Variants in KMT2A observed in about 807,000 individuals in gnomAD.
KMT2A encodes the protein lysine methyltransferase 2A, also known as histone-lysine N-methyltransferase 2A.
In KMT2A, 16 loss-of-function variants were observed where a neutral mutation model predicts 345.3. The observed-to-expected ratio is 0.05, with a 90% CI of 0.03 to 0.07. The LOEUF is 0.07. Among genes scored for constraint, KMT2A ranks in the 10% least tolerant of loss-of-function variants. KMT2A has a pLI of 1.00. For synonymous variants in KMT2A, 1,599 were observed against 1,778.6 expected (o/e 0.90, Z 2.54); for missense variants, 3,272 against 4,841.6 (o/e 0.68, Z 9.62).
At chr11:118,478,347 G>T in intron 5 of KMT2A, 146 bp downstream of exon 5, 1 of 637,754 alleles carries the variant, frequency 1.6e-6, no homozygotes, top group South Asian at 1.9e-5. Context: ...TTTGTGGTGT[G>T]GGCTGTGCTT....
At chr11:118,511,008 T>A (rs925591026) in intron 30 of KMT2A, among the ~76,000 whole-genome samples, 6 of 152,060 alleles carry the variant, frequency 3.9e-5, no homozygotes, top group Non-Finnish European at 7.4e-5. Flanking sequence ...CCATGTGAGG[T>A]AATAGTGAAA....
intron 6 of KMT2A, 66 bp downstream of exon 6, chr11:118,480,304 C>A (rs2134294371): frequency 8.3e-7 from 1 of 1,204,228 alleles, no homozygotes; most frequent in Non-Finnish European, 1.2e-6. Context: ...TTGTATACAC[C>A]CAGTAGAAGA....
Position 118,472,801 on chromosome 11 carries a change from A to G in KMT2A, c.1642A>G (p.Thr548Ala), listed in dbSNP as rs1057519412. 7 of 1,613,024 alleles carry G rather than the reference A, an allele frequency of 4.3e-6. No individual in the cohort carries two copies. Among genetic ancestry groups the G allele is most frequent in the Non-Finnish European group, 5.9e-6 (7 of 1,179,814 alleles). ...ATCTAGAACGACGAAAAAATTATCA[A>G]CTCTACAAAGTGCCCCCCAGCAGCA... ...FGSRTTKKLS[T>A]LQSAPQQQTS... The change falls in exon 3 of 36, where the codon ACT (threonine) becomes GCT (alanine). Residue 548 changes from threonine (T) to alanine (A), a missense_variant. Physicochemically the swap from Thr to Ala is moderately conservative, Grantham distance 58. Around this residue, in one of 27 missense-constraint regions of KMT2A, gnomAD observed 180 missense variants for 190.7 expected, o/e 0.94. Coordinates refer to ENST00000534358, the MANE Select transcript of KMT2A (RefSeq NM_001197104.2).
chr11:118,453,359 C>T (rs2134205445), intron 1 of KMT2A, among the ~76,000 whole-genome samples: 1 of 152,198 alleles, frequency 6.6e-6, no homozygotes, highest in African/African-American at 2.4e-5. Context: ...TCTTGTTAAA[C>T]CCTTTGGCAG....
At chr11:118,447,108 CACAGATTGT>C (rs1485315964) in intron 1 of KMT2A, among the ~76,000 whole-genome samples, 1 of 152,184 alleles carries the variant, frequency 6.6e-6, no homozygotes, top group Non-Finnish European at 1.5e-5. Flanking sequence ...ATGAAGTTTT[CACAGATTGT>C]ACTGCTAGTT....
At chr11:118,506,724 C>T (rs1555048635) in intron 27 of KMT2A, 78 bp downstream of exon 27, 4 of 1,395,742 alleles carry the variant, frequency 2.9e-6, no homozygotes, top group African/African-American at 2.9e-5. Context: ...TGTGGTAGTC[C>T]GGGAGAGACA....
Position 118,484,817 on chromosome 11 carries a change from T to A in KMT2A, c.4219-45T>A, listed in dbSNP as rs1555040414. 1 of 1,226,320 alleles carries A rather than the reference T, an allele frequency of 8.2e-7. No homozygotes were observed. Among genetic ancestry groups the A allele is most frequent in the Non-Finnish European group, 1.2e-6 (1 of 827,476 alleles). 76.0% of individuals were successfully genotyped at this position (1,226,320 alleles called of 1,614,324 possible). A position where few individuals can be genotyped will look rare whatever the true frequency, so the allele number is the denominator to read the frequency against. Reference sequence around the variant, plus strand: ...TTCATCCTTATTTTCCATCCAAAGTTGTGTAATTGTAAAACTTTCCTAAGT... The same window carrying A: ...TTCATCCTTATTTTCCATCCAAAGTAGTGTAATTGTAAAACTTTCCTAAGT... On this transcript the variant is annotated intron_variant, in intron 9 of 35. Transcript: ENST00000534358. This position sits in a 1 kb window ranked among gnomAD's most constrained non-coding sequence, Gnocchi z 4.1.
At position 118,509,158 on chromosome 11, in the gene KMT2A, G is replaced by T. The variant is rs1477983581; in HGVS notation, c.10858G>T (p.Val3620Phe). 1 of 1,613,822 alleles carries T rather than the reference G, an allele frequency of 6.2e-7. No homozygotes were observed. Among genetic ancestry groups the T allele is most frequent in the African/African-American group, 1.3e-5 (1 of 74,880 alleles). ...PAGQVAVLPE[V>F]QVTQNPANEQ... ...TAGGCAAGTCGCTGTTCTTCCGGAA[G>T]TTCAGGTGACCCAAAATCCAGCAAA... is the stretch of plus-strand genomic sequence containing the variant. The change falls in exon 29 of 36, where the codon GTT (valine) becomes TTT (phenylalanine). Residue 3620 changes from valine to phenylalanine, a missense_variant. By Grantham distance (50) the Val-to-Phe change is conservative (BLOSUM62 -1). This residue lies in a region of KMT2A where 748 missense variants were observed against 922.2 expected (regional missense o/e 0.81). Coordinates refer to ENST00000534358, the MANE Select transcript of KMT2A (RefSeq NM_001197104.2).
intron 1 of KMT2A, among the ~76,000 whole-genome samples, chr11:118,446,021 A>T (rs1949413565): frequency 1.3e-5 from 2 of 151,908 alleles, no homozygotes; most frequent in South Asian, 4.1e-4. Flanking sequence ...AAGAAAGAAA[A>T]AAAGAAAAGT....
At chr11:118,488,518 A>G in intron 10 of KMT2A, 96 bp from the exon 11 acceptor site, 1 of 1,198,044 alleles carries the variant, frequency 8.3e-7, no homozygotes, top group Non-Finnish European at 1.2e-6. Flanking sequence ...ATGCCAGTGG[A>G]CTACTAAAAC....
intron 7 of KMT2A, 142 bp from the exon 8 acceptor site, chr11:118,482,280 G>T (rs1350201033): frequency 3.4e-5 from 30 of 893,268 alleles, no homozygotes; most frequent in Non-Finnish European, 4.8e-5. Context: ...TTAAATTGGA[G>T]GTATTGTTTT....
In KMT2A at chr11:118,491,961, G is replaced by C. The variant is rs201742004; in HGVS notation, c.5004+33G>C. 17 of 1,505,946 alleles carry C rather than the reference G, an allele frequency of 1.1e-5. No individual in the cohort carries two copies. Among genetic ancestry groups the C allele is most frequent in the Non-Finnish European group, 1.5e-5 (16 of 1,090,972 alleles). 93.3% of individuals were successfully genotyped at this position (1,505,946 alleles called of 1,614,324 possible). ...AAGTCTCATTTTTTTCTGAGAGCTT[G>C]TTCTTAGGTAGTCTTTACCTAGTGT... On this transcript the variant is annotated intron_variant, in intron 15 of 35. Transcript: ENST00000534358. The surrounding 1 kb of genome is among the most constrained non-coding windows in gnomAD (Gnocchi z 4.2).
In KMT2A at chr11:118,473,205, C is replaced by G. The variant is rs782271167; in HGVS notation, c.2046C>G (p.Leu682=). 12 of 1,613,210 alleles carry G rather than the reference C, an allele frequency of 7.4e-6. No homozygotes were observed. The highest frequency in any genetic ancestry group is 9.3e-6 in the Non-Finnish European group (11 of 1,179,624). The change falls in exon 3 of 36, where the codon CTC becomes CTG. Residue 682 remains leucine, a synonymous_variant. Transcript: ENST00000534358. The surrounding 1 kb of genome is among the most constrained non-coding windows in gnomAD (Gnocchi z 5.2). ...TAASARLFSP[L]HSGTRFDMHK... ...CTTCAGCCCGATTGTTTTCGCCACTCCATTCTGGAACAAGGTTTGATATGC... is the reference window on the plus strand; with the variant it reads ...CTTCAGCCCGATTGTTTTCGCCACTGCATTCTGGAACAAGGTTTGATATGC...
intron 1 of KMT2A, among the ~76,000 whole-genome samples, chr11:118,444,814 G>A (rs1949384481): frequency 6.6e-6 from 1 of 152,066 alleles, no homozygotes; most frequent in Non-Finnish European, 1.5e-5. Flanking sequence ...GCCTCAAGTG[G>A]TCCCCCTACC....
At position 118,493,263 on chromosome 11, in the gene KMT2A, A is replaced by C; in HGVS notation, c.5178+33A>C. 1 of 1,586,874 alleles carries C rather than the reference A, an allele frequency of 6.3e-7. No homozygotes were observed. The highest frequency in any genetic ancestry group is 1.1e-5 in the South Asian group (1 of 88,280). On this transcript the variant is annotated intron_variant, in intron 16 of 35. Coordinates refer to ENST00000534358, the MANE Select transcript of KMT2A (RefSeq NM_001197104.2). This position sits in a 1 kb window ranked among gnomAD's most constrained non-coding sequence, Gnocchi z 5.8. ...TCTACAGTGAGCCATCAGAATTTCTAGTGCCAATAAAGCTTCTTTGGACCT... is the reference window on the plus strand; with the variant it reads ...TCTACAGTGAGCCATCAGAATTTCTCGTGCCAATAAAGCTTCTTTGGACCT...
chr11:118,501,318 G>A (rs868960609), intron 25 of KMT2A, among the ~76,000 whole-genome samples, 171 bp downstream of exon 25: 1 of 152,016 alleles, frequency 6.6e-6, no homozygotes, highest in Middle Eastern at 3.2e-3. Flanking sequence ...AAATTAGCCA[G>A]GCATGGTGGC....
rs1950916188 is a variant in KMT2A, at chr11:118,519,758, C to A, written c.11287C>A (p.Pro3763Thr). The change falls in exon 32 of 36, where the codon CCT (proline) becomes ACT (threonine). Residue 3763 changes from proline to threonine, a missense_variant. Around this residue, in one of 27 missense-constraint regions of KMT2A, gnomAD observed 72 missense variants for 135.6 expected, o/e 0.53. Transcript: ENST00000534358. Reference protein sequence around the residue: ...PEEANEPPLNPHGSARAEVHL... With the variant: ...PEEANEPPLNTHGSARAEVHL... ...GGAGGCCAATGAACCCCCCTTGAAC[C>A]CTCACGGCTCAGCCAGGGCTGAAGT... The A allele has an allele frequency of 6.2e-7, 1 of 1,614,032 alleles. No homozygotes were observed. The highest frequency in any genetic ancestry group is 8.5e-7 in the Non-Finnish European group (1 of 1,179,888).
intron 31 of KMT2A, among the ~76,000 whole-genome samples, chr11:118,519,094 A>G (rs572907081): frequency 6.6e-5 from 10 of 150,710 alleles, no homozygotes; most frequent in South Asian, 4.2e-4. Flanking sequence ...AAAAAAAAAA[A>G]AAAAAGAAAA....
intron 12 of KMT2A, 36 bp downstream of exon 12, chr11:118,489,923 C>T (rs1950298117): frequency 6.4e-7 from 1 of 1,552,066 alleles, no homozygotes; most frequent in African/African-American, 1.4e-5. Context: ...TATAGAGAAC[C>T]ACCATGTGAC....
Sources: allele counts gnomAD v4.1 joint callset (sites outside exome capture counted in the v4.1 genomes callset), GRCh38; gene constraint gnomAD v4.1.1; regional missense constraint gnomAD v4.1.1; non-coding constraint Gnocchi (gnomAD v3.1); transcripts MANE v1.5; gene names NCBI Gene and HGNC (gene_info 2026-07-23, HGNC 2026-07-21).